Variants in SUGP2 observed in about 807,000 individuals in gnomAD.
SUGP2 encodes SURP and G-patch domain-containing protein 2.
SUGP2 carries 24 observed loss-of-function variants against 90.5 expected under a neutral mutation model. That is an observed-to-expected ratio of 0.27 (90% confidence interval 0.19 to 0.37). The LOEUF is 0.37. Among genes scored for constraint, SUGP2 ranks in the 10% least tolerant of loss-of-function variants. SUGP2 has a pLI of 1.00. For missense variants in SUGP2, 1,233 were observed against 1,363.3 expected (o/e 0.90, Z 1.51); for synonymous variants, 473 against 513.4 (o/e 0.92, Z 1.06).
chr19:19,024,257 C>G (rs1390514218), intron 3 of SUGP2, among the ~76,000 whole-genome samples: 1 of 152,040 alleles, frequency 6.6e-6, no homozygotes, highest in Non-Finnish European at 1.5e-5. Flanking sequence ...ATTTCAGGTG[C>G]GTGCCACCAC....
At chr19:19,032,496 G>A (rs2059211445) in intron 1 of SUGP2, among the ~76,000 whole-genome samples, 2 of 152,068 alleles carry the variant, frequency 1.3e-5, no homozygotes, top group African/African-American at 2.4e-5. Context: ...ACTCAGCAGG[G>A]CACAGAGGCT....
Position 19,011,565 on chromosome 19 carries a change from T to C in SUGP2, c.1851-1223A>G, listed in dbSNP as rs1324732594. 3.9e-5 allele frequency among the ~76,000 whole-genome samples: 6 copies of C among 152,248 alleles called. No individual in the cohort carries two copies. The East Asian group carries it at 1.2e-3, about 29-fold the overall frequency. On this transcript the variant is annotated intron_variant, in intron 4 of 10. Transcript: ENST00000452918. ...TCTAAATTGCTTCTAATTTCAGCTA[T>C]GATTACCCTTCACTCAAAAGTTATT... is the stretch of plus-strand genomic sequence containing the variant.
At chr19:19,009,542 G>C (rs1411425181) in intron 5 of SUGP2, among the ~76,000 whole-genome samples, 2 of 152,076 alleles carry the variant, frequency 1.3e-5, no homozygotes, top group South Asian at 2.1e-4. Flanking sequence ...GCAGGACATG[G>C]GATCCCAAGT....
chr19:19,033,309 G>GGCCGCC, intron 1 of SUGP2, 128 bp downstream of exon 1: 1 of 1,043,230 alleles, frequency 9.6e-7, no homozygotes, highest in South Asian at 4.6e-5. Flanking sequence ...GCGGGGACGC[G>GGCCGCC]GCCGCCGCCG....
chr19:19,018,434 T>C (rs2058583252), intron 4 of SUGP2, among the ~76,000 whole-genome samples: 1 of 152,022 alleles, frequency 6.6e-6, no homozygotes, highest in Admixed American at 6.6e-5. Flanking sequence ...ACGCCTGTAA[T>C]CCCAGCACTT....
chr19:19,006,484 G>A (rs1030225975), intron 6 of SUGP2, among the ~76,000 whole-genome samples: 13 of 152,068 alleles, frequency 8.5e-5, no homozygotes, highest in Admixed American at 7.2e-4. Flanking sequence ...AGAAAAGGCT[G>A]TCACAGATGG....
chr19:19,002,240 C>T (rs1020808087), intron 7 of SUGP2, among the ~76,000 whole-genome samples: 2 of 151,980 alleles, frequency 1.3e-5, no homozygotes, highest in African/African-American at 2.4e-5. Flanking sequence ...ACTAGCCAGG[C>T]GTGGTGGCGG....
At chr19:19,015,955 T>C (rs556177898) in intron 4 of SUGP2, among the ~76,000 whole-genome samples, 1 of 152,362 alleles carries the variant, frequency 6.6e-6, no homozygotes, top group South Asian at 2.1e-4. Context: ...TAGAATCGTT[T>C]TCATAGCAAC....
intron 8 of SUGP2, 92 bp downstream of exon 8, chr19:19,001,521 A>C: frequency 4.7e-6 from 6 of 1,287,848 alleles, no homozygotes; most frequent in Non-Finnish European, 6.8e-6. Flanking sequence ...AAATGTTAGC[A>C]CAGCTTAATC....
intron 6 of SUGP2, 127 bp downstream of exon 6, chr19:19,008,190 G>T: frequency 2.5e-6 from 2 of 806,650 alleles, no homozygotes; most frequent in Non-Finnish European, 4.3e-6. Context: ...TGTGGTCCCA[G>T]CTACTCTGGA....
intron 4 of SUGP2, 52 bp from the exon 5 acceptor site, chr19:19,010,394 C>T (rs1179681192): frequency 7.6e-6 from 12 of 1,576,408 alleles, no homozygotes; most frequent in Admixed American, 1.7e-5. Flanking sequence ...CCACCAGGTC[C>T]CAAATTGTTC....
At chr19:19,015,314 A>G (rs192787833) in intron 4 of SUGP2, among the ~76,000 whole-genome samples, 2 of 152,344 alleles carry the variant, frequency 1.3e-5, no homozygotes, top group East Asian at 3.9e-4. Flanking sequence ...TGGAACATGG[A>G]AACAGGTCAC....
Position 19,024,800 on chromosome 19 carries a change from G to A in SUGP2, c.1548C>T (p.Asn516=). 6.2e-7 allele frequency: 1 copy of A among 1,614,212 alleles called. No individual in the cohort carries two copies. Among genetic ancestry groups the A allele is most frequent in the Non-Finnish European group, 8.5e-7 (1 of 1,180,044 alleles). Residue 516 remains asparagine (N), a synonymous_variant, in exon 3 of 11, where the codon AAC becomes AAT. Coordinates refer to ENST00000452918, the MANE Select transcript of SUGP2 (RefSeq NM_001017392.5). ...GCCCAAACAAAGTGGAGTCTTCGAA[G>A]TTTGGAAACGCAGCAGGTGAGGGAG... ...DIAPSPAAFP[N]FEDSTLFGRE... is the part of the protein sequence containing the mutation.
At position 19,026,051 on chromosome 19, in the gene SUGP2, A is replaced by G. The variant is rs749349898; in HGVS notation, c.297T>C (p.Asp99=). Residue 99 remains aspartate (D), a synonymous_variant, in exon 3 of 11, where the codon GAT becomes GAC. Coordinates refer to ENST00000452918, the MANE Select transcript of SUGP2 (RefSeq NM_001017392.5). ...SFRSSNPSIS[D]DSYFRKECGR... is the part of the protein sequence containing the mutation. ...CACATTCTTTGCGAAAGTAGCTGTCATCACTGATGGAAGGGTTGCTTGATC... is the reference window on the plus strand; with the variant it reads ...CACATTCTTTGCGAAAGTAGCTGTCGTCACTGATGGAAGGGTTGCTTGATC... 2.5e-6 allele frequency: 4 copies of G among 1,614,160 alleles called. No individual in the cohort carries two copies. Among genetic ancestry groups the G allele is most frequent in the East Asian group, 4.5e-5 (2 of 44,884 alleles).
At chr19:19,010,381 A>C (rs1347471252) in intron 4 of SUGP2, 39 bp from the exon 5 acceptor site, 2 of 1,588,658 alleles carry the variant, frequency 1.3e-6, no homozygotes, top group South Asian at 1.1e-5. Context: ...ATTTATGAAA[A>C]CACCACCAGG....
At chr19:19,033,210 G>A in intron 1 of SUGP2, 1 of 281,670 alleles carries the variant, frequency 3.6e-6, no homozygotes, top group Non-Finnish European at 5.7e-6. Flanking sequence ...AGCCTTTGTG[G>A]ACGCGGCCCG....
At chr19:19,028,416 G>A (rs559181398) in intron 2 of SUGP2, among the ~76,000 whole-genome samples, 2 of 152,180 alleles carry the variant, frequency 1.3e-5, no homozygotes, top group Non-Finnish European at 2.9e-5. Flanking sequence ...TAAAGGAGAT[G>A]AGCACAGACG....
At chr19:19,020,388 C>A (rs888856681) in intron 3 of SUGP2, among the ~76,000 whole-genome samples, 2 of 149,224 alleles carry the variant, frequency 1.3e-5, no homozygotes, top group Admixed American at 6.7e-5. Context: ...GCCGAGATTG[C>A]GCCACTGCAC....
At chr19:19,007,800 C>T (rs894983370) in intron 6 of SUGP2, among the ~76,000 whole-genome samples, 4 of 140,816 alleles carry the variant, frequency 2.8e-5, no homozygotes, top group African/African-American at 5.4e-5. Flanking sequence ...CGCTCTGTTG[C>T]CCAGGCTGGA....
Sources: gnomAD v4.1 joint callset for allele counts (sites outside exome capture counted in the v4.1 genomes callset) on GRCh38, gnomAD v4.1.1 for gene constraint, MANE v1.5 for transcripts, NCBI Gene and HGNC (gene_info 2026-07-23, HGNC 2026-07-21) for gene names.